DLGAP2: variants seen among roughly 807,000 people sequenced by gnomAD.
DLGAP2 encodes DLG associated protein 2.
A neutral mutation model predicts 100.3 loss-of-function variants in DLGAP2; 26 were observed. The ratio of observed to expected loss-of-function variants is 0.26; its 90% CI spans 0.19 to 0.36. DLGAP2 has a LOEUF of 0.36. Ranked by LOEUF, DLGAP2 falls within the 10% of genes least tolerant of loss-of-function variation. The probability of loss-of-function intolerance (pLI) is 1.00; values close to 1 mark genes in which losing one functional copy is unlikely to be tolerated. For synonymous variants in DLGAP2, 886 were observed against 630.1 expected (o/e 1.41, Z -6.08); for missense variants, 1,858 against 1,453.2 (o/e 1.28, Z -4.53).
intron 2 of DLGAP2, among the ~76,000 whole-genome samples, chr8:945,255 C>G: frequency 6.6e-6 from 1 of 152,190 alleles, no homozygotes; most frequent in East Asian, 1.9e-4. Context: ...TGGTCCCCTT[C>G]CCTGCACTCC....
At chr8:1,132,100 C>T (rs1796307086) in intron 2 of DLGAP2, among the ~76,000 whole-genome samples, 1 of 152,172 alleles carries the variant, frequency 6.6e-6, no homozygotes, top group South Asian at 2.1e-4. Flanking sequence ...TAATGAATGA[C>T]AGTTTTTCAT....
chr8:1,222,396 G>C (rs1296757946), intron 2 of DLGAP2, among the ~76,000 whole-genome samples: 1 of 152,142 alleles, frequency 6.6e-6, no homozygotes, highest in Non-Finnish European at 1.5e-5. Context: ...ACCCTGGGGG[G>C]CTAGGACCAG....
chr8:1,270,725 C>A (rs1016583249), intron 3 of DLGAP2, among the ~76,000 whole-genome samples: 16 of 144,906 alleles, frequency 1.1e-4, no homozygotes, highest in African/African-American at 3.6e-4. Flanking sequence ...TGTGTGTCTC[C>A]CTCTCTCTTT....
chr8:1,549,746 C>G (rs925482958), intron 5 of DLGAP2, 63 bp downstream of exon 5: 45 of 1,432,098 alleles, frequency 3.1e-5, no homozygotes, highest in Non-Finnish European at 3.6e-5. Flanking sequence ...GTCGTTATTC[C>G]TTTTTTAATT....
intron 2 of DLGAP2, among the ~76,000 whole-genome samples, chr8:1,123,503 CT>C (rs2129047956): frequency 6.6e-6 from 1 of 152,256 alleles, no homozygotes; most frequent in African/African-American, 2.4e-5. Flanking sequence ...GGAAAGATGC[CT>C]GTTAGCTTTG....
At chr8:1,182,244 G>A (rs993326116) in intron 2 of DLGAP2, among the ~76,000 whole-genome samples, 5 of 152,214 alleles carry the variant, frequency 3.3e-5, no homozygotes, top group South Asian at 2.1e-4. Flanking sequence ...GCTTGGGGGC[G>A]ACTGCCATGT....
chr8:1,386,057 G>A (rs1046818789), intron 3 of DLGAP2, among the ~76,000 whole-genome samples: 2 of 152,186 alleles, frequency 1.3e-5, no homozygotes, highest in Non-Finnish European at 2.9e-5. Context: ...TAATCTCCAC[G>A]GGATTTTGAA....
At chr8:1,502,146 T>C (rs1449518584) in intron 4 of DLGAP2, among the ~76,000 whole-genome samples, 1 of 152,178 alleles carries the variant, frequency 6.6e-6, no homozygotes, top group African/African-American at 2.4e-5. Flanking sequence ...CTGTCTGTGG[T>C]TATTCTCTAA....
chr8:957,342 G>A lies in DLGAP2; in HGVS notation c.73+49376G>A, dbSNP rs1026527741. 3.3e-5 allele frequency among the ~76,000 whole-genome samples: 5 copies of A among 152,368 alleles called. No individual in the cohort carries two copies. In the Middle Eastern group the frequency reaches 0.01, roughly 311 times the overall value. On this transcript the variant is annotated intron_variant, in intron 2 of 14. Transcript: ENST00000637795. The stretch of plus-strand genomic sequence containing the variant: ...CCCAAGGGTGCATTCCATCGGCCCT[G>A]TGTGTGGAGTTCAGGTTAAAAGTTG...
intron 2 of DLGAP2, among the ~76,000 whole-genome samples, chr8:1,059,419 C>T (rs887636851): frequency 6.6e-6 from 1 of 152,176 alleles, no homozygotes; most frequent in African/African-American, 2.4e-5. Flanking sequence ...TGGGCTCCTC[C>T]CTCAGCTCTG....
intron 1 of DLGAP2, among the ~76,000 whole-genome samples, chr8:800,708 C>T (rs935816857): frequency 6.6e-6 from 1 of 151,888 alleles, no homozygotes; most frequent in Non-Finnish European, 1.5e-5. Flanking sequence ...ATGTGTGTGT[C>T]TGTGTGTCCA....
chr8:782,566 G>C (rs914414307), intron 1 of DLGAP2, among the ~76,000 whole-genome samples: 1 of 152,158 alleles, frequency 6.6e-6, no homozygotes, highest in Non-Finnish European at 1.5e-5. Flanking sequence ...AAAATAGTAA[G>C]AATTGAAAAG....
chr8:800,307 A>G (rs1796122048), intron 1 of DLGAP2, among the ~76,000 whole-genome samples: 2 of 152,208 alleles, frequency 1.3e-5, no homozygotes, highest in Admixed American at 6.5e-5. Flanking sequence ...TTAGAGGGCA[A>G]ATGCTGGAGA....
chr8:1,653,245 G>A (rs1798207601), intron 8 of DLGAP2, among the ~76,000 whole-genome samples: 1 of 151,854 alleles, frequency 6.6e-6, no homozygotes, highest in African/African-American at 2.4e-5. Context: ...GCAGCACGTT[G>A]GTTCTTGGTG....
At chr8:742,149 T>G (rs937774049) in intron 1 of DLGAP2, among the ~76,000 whole-genome samples, 3 of 152,254 alleles carry the variant, frequency 2.0e-5, no homozygotes. Flanking sequence ...GCTTTTAGTT[T>G]CTTCAGACAT....
chr8:1,328,276 G>C (rs946466040), intron 3 of DLGAP2, among the ~76,000 whole-genome samples: 1 of 148,842 alleles, frequency 6.7e-6, no homozygotes, highest in South Asian at 2.2e-4. Context: ...TCCTGACCTC[G>C]TGATCCACCC....
chr8:1,687,651 A>C (rs912970267), intron 12 of DLGAP2, among the ~76,000 whole-genome samples: 2 of 152,206 alleles, frequency 1.3e-5, no homozygotes, highest in African/African-American at 4.8e-5. Context: ...CATTAAATCG[A>C]TACCAAGATT....
chr8:828,377 A>C (rs1796720955), intron 1 of DLGAP2, among the ~76,000 whole-genome samples: 1 of 152,100 alleles, frequency 6.6e-6, no homozygotes, highest in Admixed American at 6.5e-5. Context: ...TTTCTCAGGG[A>C]CCTTCCATGC....
At chr8:1,006,001 C>T (rs535384345) in intron 2 of DLGAP2, among the ~76,000 whole-genome samples, 46 of 152,156 alleles carry the variant, frequency 3.0e-4, no homozygotes, top group African/African-American at 1.1e-3. Flanking sequence ...CCATCCTGGC[C>T]AACATGGTGA....
Sources: allele counts gnomAD v4.1 joint callset (sites outside exome capture counted in the v4.1 genomes callset), GRCh38; gene constraint gnomAD v4.1.1; transcripts MANE v1.5; gene names NCBI Gene and HGNC (gene_info 2026-07-23, HGNC 2026-07-21).